MAP2K2: variants seen among roughly 807,000 people sequenced by gnomAD.
The protein encoded by MAP2K2 is mitogen-activated protein kinase kinase 2, also known as dual specificity mitogen-activated protein kinase kinase 2.
A neutral mutation model predicts 43.7 loss-of-function variants in MAP2K2; 24 were observed. The ratio of observed to expected loss-of-function variants is 0.55; its 90% CI spans 0.40 to 0.77. The LOEUF is 0.77. MAP2K2 is among the 30% of genes least tolerant of loss of function. The probability of loss-of-function intolerance (pLI) is 0.00; values close to 1 mark genes in which losing one functional copy is unlikely to be tolerated. For synonymous variants in MAP2K2, 244 were observed against 239.7 expected, an observed-to-expected ratio of 1.02 and a Z score of -0.17; for missense variants, 470 against 566.8, an observed-to-expected ratio of 0.83 and a Z score of 1.73.
intron 1 of MAP2K2, among the ~76,000 whole-genome samples, chr19:4,121,045 C>A (rs1199046678): frequency 2.0e-5 from 3 of 152,042 alleles, no homozygotes; most frequent in East Asian, 1.9e-4. Context: ...CGGACCCCAG[C>A]CAAGGGCCCC....
intron 8 of MAP2K2, among the ~76,000 whole-genome samples, chr19:4,096,185 C>T (rs1254144722): frequency 6.6e-6 from 1 of 152,172 alleles, no homozygotes; most frequent in Middle Eastern, 3.2e-3. Context: ...GCAGGCCTTT[C>T]CCGCGCAGGG....
chr19:4,102,509 G>A lies in MAP2K2; in HGVS notation c.451-56C>T, dbSNP rs547938817. Reference sequence around the variant, plus strand: ...TCTGCGCAGGTGGCCGGGAAGCCACGGATGCGTCCCCCCACTCCCGGCGAG... The same window carrying A: ...TCTGCGCAGGTGGCCGGGAAGCCACAGATGCGTCCCCCCACTCCCGGCGAG... On this transcript the variant is annotated intron_variant, in intron 3 of 10. Transcript: ENST00000262948. 99 of 1,328,226 alleles carry A rather than the reference G, an allele frequency of 7.5e-5. 1 individual carries two copies. Among genetic ancestry groups the A allele is most frequent in the African/African-American group, 4.9e-4 (34 of 69,886 alleles). The allele number at this position is 1,328,226 out of a possible 1,614,324, so 82.3% of individuals were successfully genotyped here.
In MAP2K2 at chr19:4,104,234, T is replaced by C. The variant is rs555031588; in HGVS notation, c.451-1781A>G. On this transcript the variant is annotated intron_variant, in intron 3 of 10. Coordinates refer to ENST00000262948, the MANE Select transcript of MAP2K2 (RefSeq NM_030662.4). ...GAGTCGAGATCGTGCCACTTCTCTC[T>C]CGCCTGGGCGAGAGAGCAAGACTCC... is the stretch of plus-strand genomic sequence containing the variant. Among the ~76,000 whole-genome samples, 24 of 128,396 alleles carry C rather than the reference T, an allele frequency of 1.9e-4. 1 individual carries two copies. The South Asian group carries it at 2.1e-3, about 11-fold the overall frequency. The allele number at this position is 128,396 out of a possible 152,430, so 84.2% of individuals were successfully genotyped here. A position where few individuals can be genotyped will look rare whatever the true frequency, so the allele number is the denominator to read the frequency against.
chr19:4,102,497 C>T lies in MAP2K2; in HGVS notation c.451-44G>A, dbSNP rs1286002004. ...GTGAGTGCAGGCTCTGCGCAGGTGG[C>T]CGGGAAGCCACGGATGCGTCCCCCC... On this transcript the variant is annotated intron_variant, in intron 3 of 10. Coordinates refer to ENST00000262948, the MANE Select transcript of MAP2K2 (RefSeq NM_030662.4). The T allele has an allele frequency of 2.1e-6, 3 of 1,454,946 alleles. No individual in the cohort carries two copies. Among genetic ancestry groups the T allele is most frequent in the Non-Finnish European group, 2.8e-6 (3 of 1,057,764 alleles). 90.1% of individuals were successfully genotyped at this position (1,454,946 alleles called of 1,614,324 possible). A position where few individuals can be genotyped will look rare whatever the true frequency, so the allele number is the denominator to read the frequency against.
At chr19:4,095,200 A>T in intron 9 of MAP2K2, 188 bp downstream of exon 9, 1 of 591,796 alleles carries the variant, frequency 1.7e-6, no homozygotes, top group Non-Finnish European at 3.0e-6. Flanking sequence ...ACAGGATGGC[A>T]TGGCAGCCGG....
chr19:4,091,859 G>A (rs2040858448), intron 10 of MAP2K2, among the ~76,000 whole-genome samples: 1 of 152,194 alleles, frequency 6.6e-6, no homozygotes, highest in Admixed American at 6.5e-5. Context: ...ATGTTGCCCA[G>A]GCTGGTCTCG....
intron 3 of MAP2K2, among the ~76,000 whole-genome samples, chr19:4,109,145 G>A (rs528369883): frequency 6.6e-6 from 1 of 152,350 alleles, no homozygotes; most frequent in South Asian, 2.1e-4. Context: ...TGCAAACGAC[G>A]CTGTGCGGCA....
chr19:4,118,142 T>G (rs1395110302), intron 1 of MAP2K2, among the ~76,000 whole-genome samples: 2 of 152,148 alleles, frequency 1.3e-5, no homozygotes, highest in African/African-American at 4.8e-5. Context: ...TTCGCCATGT[T>G]GGTCAGGCTG....
chr19:4,102,421 C>G lies in MAP2K2; in HGVS notation c.483G>C (p.Glu161Asp). ...GGATCTCCTCGGGAATCCTCTTGGC[C>G]TCTTTCAGCACCTGGTCCAGGGAGC... ...DGGSLDQVLK[E>D]AKRIPEEILG... The change falls in exon 4 of 11, where the codon GAG becomes GAC. Residue 161 changes from glutamate (E) to aspartate (D), a missense_variant. Glu to Asp is a conservative substitution (Grantham distance 45, BLOSUM62 2). This residue lies in a region of MAP2K2 where 200 missense variants were observed against 297.9 expected (regional missense o/e 0.67). Coordinates refer to ENST00000262948, the MANE Select transcript of MAP2K2 (RefSeq NM_030662.4). The G allele has an allele frequency of 6.2e-7, 1 of 1,606,738 alleles. No individual in the cohort carries two copies.
Position 4,099,265 on chromosome 19 carries a change from G to A in MAP2K2, c.855C>T (p.Asp285=), listed in dbSNP as rs778350557. ...LEAIFGRPVV[D]GEEGEPHSIS... ...TGCTGTGAGGCTCTCCTTCTTCCCC[G>A]TCGACCACGGGCCGGCCAAAGATGG... Residue 285 remains aspartate (D), a synonymous_variant, in exon 7 of 11, where the codon GAC becomes GAT. Coordinates refer to ENST00000262948, the MANE Select transcript of MAP2K2 (RefSeq NM_030662.4). The A allele has an allele frequency of 1.0e-5, 16 of 1,605,354 alleles. No homozygotes were observed. The highest frequency in any genetic ancestry group is 2.2e-5 in the East Asian group (1 of 44,536).
At chr19:4,103,265 C>T in intron 3 of MAP2K2, 4 of 985,284 alleles carry the variant, frequency 4.1e-6, no homozygotes, top group Non-Finnish European at 4.8e-6. Context: ...GCCCCACATC[C>T]ATGTCATAAA....
At chr19:4,102,270 A>G in intron 4 of MAP2K2, 106 bp downstream of exon 4, 3 of 986,940 alleles carry the variant, frequency 3.0e-6, no homozygotes, top group Non-Finnish European at 4.7e-6. Context: ...TGCAGGGGCC[A>G]CCCTAACCCC....
intron 1 of MAP2K2, among the ~76,000 whole-genome samples, chr19:4,118,362 C>T (rs2041254126): frequency 6.6e-6 from 1 of 152,162 alleles, no homozygotes; most frequent in Admixed American, 6.6e-5. Flanking sequence ...AACAAGCGTT[C>T]TGAGCAGCCT....
rs563790968 is a variant in MAP2K2 at position 4,113,384 on chromosome 19, T to C, written c.304-2729A>G. On this transcript the variant is annotated intron_variant, in intron 2 of 10. Transcript: ENST00000262948. Reference sequence around the variant, plus strand: ...TTCCAGATAAACGGGCAGCCACCACTGAGGGTGTGCAAGGGGAAAGGCAGA... The same window carrying C: ...TTCCAGATAAACGGGCAGCCACCACCGAGGGTGTGCAAGGGGAAAGGCAGA... Among the ~76,000 whole-genome samples the C allele has an allele frequency of 1.9e-4, 29 of 152,188 alleles. No individual in the cohort carries two copies. In the East Asian group the frequency reaches 5.0e-3, roughly 26 times the overall value.
At chr19:4,108,862 G>C (rs972176002) in intron 3 of MAP2K2, among the ~76,000 whole-genome samples, 14 of 152,156 alleles carry the variant, frequency 9.2e-5, no homozygotes, top group African/African-American at 3.4e-4. Flanking sequence ...AGGAGGAATA[G>C]GGAGCACCAC....
At chr19:4,107,061 C>A (rs550480933) in intron 3 of MAP2K2, among the ~76,000 whole-genome samples, 6 of 152,350 alleles carry the variant, frequency 3.9e-5, no homozygotes, top group African/African-American at 1.4e-4. Context: ...GCCAGCCCCA[C>A]TGTTCCTAAG....
chr19:4,090,781 A>C, intron 10 of MAP2K2, 73 bp from the exon 11 acceptor site: 1 of 994,238 alleles, frequency 1.0e-6, no homozygotes, highest in Non-Finnish European at 1.6e-6. Flanking sequence ...GCGTCTGCCC[A>C]GCCCTGGCAG....
At chr19:4,118,465 G>C (rs1045048254) in intron 1 of MAP2K2, among the ~76,000 whole-genome samples, 5 of 152,184 alleles carry the variant, frequency 3.3e-5, no homozygotes, top group Admixed American at 1.3e-4. Flanking sequence ...TGCAGTCCCA[G>C]CTACTTGGGA....
intron 2 of MAP2K2, among the ~76,000 whole-genome samples, chr19:4,114,523 A>G (rs1334186964): frequency 6.6e-6 from 1 of 152,216 alleles, no homozygotes; most frequent in Non-Finnish European, 1.5e-5. Flanking sequence ...AAGAAGCCCC[A>G]CACGCGTAAC....
Sources: gnomAD v4.1 joint callset for allele counts (sites outside exome capture counted in the v4.1 genomes callset) on GRCh38, gnomAD v4.1.1 for gene constraint, gnomAD v4.1.1 regional missense constraint, MANE v1.5 for transcripts, NCBI Gene and HGNC (gene_info 2026-07-23, HGNC 2026-07-21) for gene names.